HS3ST1: variants seen among roughly 807,000 people sequenced by gnomAD.
HS3ST1 encodes the protein heparan sulfate glucosamine 3-O-sulfotransferase 1.
HS3ST1 carries 8 observed loss-of-function variants against 20.7 expected under a neutral mutation model. The observed-to-expected ratio is 0.39, with a 90% confidence interval of 0.23 to 0.70. HS3ST1 has a LOEUF of 0.70. Ranked by LOEUF, HS3ST1 falls within the 30% of genes least tolerant of loss-of-function variation. The probability of loss-of-function intolerance (pLI) is 0.46; values close to 1 mark genes in which losing one functional copy is unlikely to be tolerated. For synonymous variants in HS3ST1, 205 were observed against 190.4 expected, an observed-to-expected ratio of 1.08 and a Z score of -0.63; for missense variants, 436 against 423.4, an observed-to-expected ratio of 1.03 and a Z score of -0.26.
At chr4:11,401,636 G>T (rs1023094273) in intron 1 of HS3ST1, among the ~76,000 whole-genome samples, 4 of 152,248 alleles carry the variant, frequency 2.6e-5, no homozygotes, top group South Asian at 2.1e-4. Context: ...GAGCCACTGC[G>T]CCTGGCCTGT....
At chr4:11,411,143 A>G (rs1206448745) in intron 1 of HS3ST1, among the ~76,000 whole-genome samples, 2 of 152,150 alleles carry the variant, frequency 1.3e-5, no homozygotes, top group Admixed American at 1.3e-4. Flanking sequence ...AACATTTAAG[A>G]GAGTGCTTAG....
chr4:11,415,445 T>A (rs1020009421), intron 1 of HS3ST1, among the ~76,000 whole-genome samples: 2 of 152,216 alleles, frequency 1.3e-5, no homozygotes, highest in Non-Finnish European at 2.9e-5. Context: ...AAATAATTGC[T>A]CAATAGTATT....
chr4:11,428,079 A>T (rs1719107648), intron 1 of HS3ST1, among the ~76,000 whole-genome samples: 1 of 152,096 alleles, frequency 6.6e-6, no homozygotes, highest in Non-Finnish European at 1.5e-5. Flanking sequence ...GGGGGAAAAA[A>T]ATCAGTAAAA....
At chr4:11,401,692 A>G (rs956504482) in intron 1 of HS3ST1, among the ~76,000 whole-genome samples, 8 of 152,348 alleles carry the variant, frequency 5.3e-5, no homozygotes, top group Middle Eastern at 3.4e-3. Flanking sequence ...ACACAATTCT[A>G]TTAGTCTATT....
intron 1 of HS3ST1, among the ~76,000 whole-genome samples, chr4:11,426,621 CCA>C (rs1025524530): frequency 3.3e-5 from 5 of 152,286 alleles, no homozygotes; most frequent in African/African-American, 9.6e-5. Context: ...CACAGAGGAT[CCA>C]CAGTCTAGAA....
intron 1 of HS3ST1, among the ~76,000 whole-genome samples, chr4:11,414,432 C>T (rs539139621): frequency 1.3e-4 from 20 of 152,224 alleles, no homozygotes; most frequent in African/African-American, 4.8e-4. Context: ...GGAAGCTATG[C>T]CTAGAGGTCC....
At chr4:11,416,938 A>G (rs903297835) in intron 1 of HS3ST1, among the ~76,000 whole-genome samples, 1 of 152,182 alleles carries the variant, frequency 6.6e-6, no homozygotes, top group African/African-American at 2.4e-5. Context: ...AAAAGGGAGA[A>G]CGTACAAAAG....
intron 1 of HS3ST1, among the ~76,000 whole-genome samples, chr4:11,425,534 T>G (rs1039898326): frequency 3.9e-5 from 6 of 152,166 alleles, no homozygotes; most frequent in African/African-American, 1.4e-4. Flanking sequence ...CTTGTAGCAT[T>G]CAGGTGGAGT....
At chr4:11,400,224 C>T in intron 1 of HS3ST1, 111 bp from the exon 2 acceptor site, 1 of 903,010 alleles carries the variant, frequency 1.1e-6, no homozygotes, top group South Asian at 2.7e-5. Flanking sequence ...CCAGGACTCT[C>T]AGTTTCTTAT....
At chr4:11,434,302 A>C (rs1461430014), upstream of HS3ST1, among the ~76,000 whole-genome samples, 2 of 152,178 alleles carry the variant, frequency 1.3e-5, no homozygotes, top group African/African-American at 4.8e-5. Flanking sequence ...AACAAAAATT[A>C]ATTTAATTTT....
At position 11,412,500 on chromosome 4, in the gene HS3ST1, C is replaced by T. The variant is rs181992700; in HGVS notation, c.-108-12387G>A. Among the ~76,000 whole-genome samples the T allele has an allele frequency of 2.0e-3, 297 of 152,290 alleles. 1 individual carries two copies. The highest frequency in any genetic ancestry group is 3.5e-3 in the Non-Finnish European group (239 of 68,024). On this transcript the variant is annotated intron_variant, in intron 1 of 1. Coordinates refer to ENST00000002596, the MANE Select transcript of HS3ST1 (RefSeq NM_005114.4). Reference sequence around the variant, plus strand: ...TTAAAAATTAACCACAAAGTTTTGTCACCAATGTGGGCATCTAACATTTTA... The same window carrying T: ...TTAAAAATTAACCACAAAGTTTTGTTACCAATGTGGGCATCTAACATTTTA...
At chr4:11,430,808 G>A (rs955535431), upstream of HS3ST1, among the ~76,000 whole-genome samples, 1 of 152,190 alleles carries the variant, frequency 6.6e-6, no homozygotes, top group African/African-American at 2.4e-5. Context: ...GCACATGTGG[G>A]AAGTGACAGG....
upstream of HS3ST1, among the ~76,000 whole-genome samples, chr4:11,434,047 A>C (rs1007687863): frequency 2.0e-5 from 3 of 152,166 alleles, no homozygotes; most frequent in Non-Finnish European, 2.9e-5. Flanking sequence ...TTGTCCCTGA[A>C]AACTGATGGT....
intron 1 of HS3ST1, among the ~76,000 whole-genome samples, chr4:11,424,659 C>T (rs1441943391): frequency 6.6e-6 from 1 of 152,164 alleles, no homozygotes; most frequent in Non-Finnish European, 1.5e-5. Context: ...GCAGAAAAGG[C>T]ACCTCTGGGA....
intron 1 of HS3ST1, among the ~76,000 whole-genome samples, chr4:11,420,238 G>A (rs1277479205): frequency 6.6e-6 from 1 of 152,174 alleles, no homozygotes; most frequent in Non-Finnish European, 1.5e-5. Context: ...AAGACCACAC[G>A]CAACAAAACT....
chr4:11,423,752 C>T (rs1159219834), intron 1 of HS3ST1, among the ~76,000 whole-genome samples: 1 of 152,114 alleles, frequency 6.6e-6, no homozygotes, highest in Non-Finnish European at 1.5e-5. Context: ...AACAGAGGTT[C>T]ACTCTGTAAA....
chr4:11,404,127 C>T (rs1483810249), intron 1 of HS3ST1, among the ~76,000 whole-genome samples: 1 of 152,154 alleles, frequency 6.6e-6, no homozygotes, highest in Non-Finnish European at 1.5e-5. Context: ...TCACTGTGAC[C>T]TCTGCATTCT....
chr4:11,428,225 G>C (rs1467962947), intron 1 of HS3ST1, among the ~76,000 whole-genome samples: 1 of 152,220 alleles, frequency 6.6e-6, no homozygotes, highest in African/African-American at 2.4e-5. Context: ...CCCGACCAAG[G>C]CTTCTCCACC....
chr4:11,428,015 C>T (rs967747499), intron 1 of HS3ST1, among the ~76,000 whole-genome samples: 8 of 152,210 alleles, frequency 5.3e-5, no homozygotes, highest in Non-Finnish European at 1.0e-4. Context: ...CCCCGCCATC[C>T]CTCACCTCCA....
Sources: allele counts gnomAD v4.1 joint callset (sites outside exome capture counted in the v4.1 genomes callset), GRCh38; gene constraint gnomAD v4.1.1; transcripts MANE v1.5; gene names NCBI Gene and HGNC (gene_info 2026-07-23, HGNC 2026-07-21).